Variants in AFF3 observed in about 807,000 individuals in gnomAD.
AFF3 encodes the protein ALF transcription elongation factor 3.
In AFF3, 32 loss-of-function variants were observed where a neutral mutation model predicts 129.7. The observed-to-expected ratio is 0.25, with a 90% CI of 0.19 to 0.33. AFF3 has a LOEUF of 0.33. AFF3 is among the 10% of genes least tolerant of loss of function. The probability of loss-of-function intolerance (pLI) is 1.00; values close to 1 mark genes in which losing one functional copy is unlikely to be tolerated. For missense variants in AFF3, 1,373 were observed against 1,592.0 expected (o/e 0.86, Z 2.34); for synonymous variants, 644 against 635.4 (o/e 1.01, Z -0.20).
At chr2:99,647,841 C>A (rs1033709719) in intron 13 of AFF3, among the ~76,000 whole-genome samples, 12 of 151,988 alleles carry the variant, frequency 7.9e-5, no homozygotes, top group Non-Finnish European at 1.8e-4. Flanking sequence ...AGAGTGGTGA[C>A]AATGAAAACC....
chr2:100,043,689 A>G (rs1398412482), intron 4 of AFF3, among the ~76,000 whole-genome samples: 2 of 152,232 alleles, frequency 1.3e-5, no homozygotes, highest in Non-Finnish European at 2.9e-5. Context: ...TATGACTGCC[A>G]TCTACCAAAC....
At chr2:99,822,464 T>G (rs1295696726) in intron 8 of AFF3, among the ~76,000 whole-genome samples, 1 of 152,162 alleles carries the variant, frequency 6.6e-6, no homozygotes, top group African/African-American at 2.4e-5. Flanking sequence ...GCCACTGCCT[T>G]TTCATTTCAT....
rs1686966615 is a variant in AFF3 at position 100,058,256 on chromosome 2, T to C, written c.53+46146A>G. On this transcript the variant is annotated intron_variant, in intron 4 of 24. Transcript: ENST00000672756. ...GAAGCACTTGCCCAAGGGACATAAC[T>C]AGTAAATGGCAGGTACAGCACTTAC... Among the ~76,000 whole-genome samples, 3 of 152,192 alleles carry C rather than the reference T, an allele frequency of 2.0e-5. No homozygotes were observed. The South Asian group carries it at 6.2e-4, about 32-fold the overall frequency.
At chr2:99,916,721 G>A (rs80002812) in intron 7 of AFF3, among the ~76,000 whole-genome samples, 1,820 of 152,052 alleles carry the variant, frequency 0.012, 42 homozygotes, top group African/African-American at 0.042. Context: ...TCCTGAGAAC[G>A]CATATCATGG....
chr2:100,059,598 T>G (rs1373308161), intron 4 of AFF3, among the ~76,000 whole-genome samples: 3 of 152,168 alleles, frequency 2.0e-5, no homozygotes, highest in African/African-American at 7.2e-5. Flanking sequence ...ACACTTTATA[T>G]AGATGAGGTG....
chr2:100,057,359 G>A (rs2105197775), intron 4 of AFF3, among the ~76,000 whole-genome samples: 2 of 150,802 alleles, frequency 1.3e-5, no homozygotes, highest in East Asian at 3.9e-4. Flanking sequence ...AGCCACACTG[G>A]ATTCATATCC....
At chr2:99,645,074 C>T (rs552773047) in intron 13 of AFF3, among the ~76,000 whole-genome samples, 3 of 152,180 alleles carry the variant, frequency 2.0e-5, no homozygotes, top group African/African-American at 7.2e-5. Context: ...GTGGCTAACA[C>T]CTGTAATCCC....
At chr2:99,810,726 T>A (rs1010888136) in intron 8 of AFF3, among the ~76,000 whole-genome samples, 5 of 152,188 alleles carry the variant, frequency 3.3e-5, no homozygotes, top group Non-Finnish European at 7.3e-5. Flanking sequence ...AGATATATGA[T>A]CTTAGAGTTT....
intron 7 of AFF3, among the ~76,000 whole-genome samples, chr2:99,928,219 T>C (rs1302434701): frequency 6.6e-6 from 1 of 152,238 alleles, no homozygotes; most frequent in African/African-American, 2.4e-5. Flanking sequence ...CTTCAGAGTC[T>C]ACATAGCTAT....
intron 12 of AFF3, among the ~76,000 whole-genome samples, chr2:99,662,778 T>C (rs1031115822): frequency 6.6e-6 from 1 of 152,206 alleles, no homozygotes; most frequent in African/African-American, 2.4e-5. Context: ...CCTGTTTATA[T>C]AATTCTACAC....
At chr2:99,617,837 C>T (rs994112849) in intron 13 of AFF3, among the ~76,000 whole-genome samples, 1 of 152,172 alleles carries the variant, frequency 6.6e-6, no homozygotes. Flanking sequence ...GTTATGTCTA[C>T]AGAAGGCAGA....
intron 4 of AFF3, among the ~76,000 whole-genome samples, chr2:100,030,516 T>G (rs940132153): frequency 1.3e-5 from 2 of 152,194 alleles, no homozygotes. Context: ...CTCCTAGATA[T>G]CTACCCAATT....
chr2:99,836,558 A>G (rs1057479796), intron 8 of AFF3, among the ~76,000 whole-genome samples: 1 of 152,166 alleles, frequency 6.6e-6, no homozygotes, highest in African/African-American at 2.4e-5. Context: ...TTATGAAATA[A>G]TGCTTTCCAG....
At chr2:99,747,145 C>G (rs930807934) in intron 9 of AFF3, among the ~76,000 whole-genome samples, 2 of 151,586 alleles carry the variant, frequency 1.3e-5, no homozygotes, top group Non-Finnish European at 2.9e-5. Context: ...TCTTTTGCCT[C>G]AGCATCCCGA....
chr2:99,859,680 G>T (rs920753038), intron 7 of AFF3, among the ~76,000 whole-genome samples: 10 of 152,102 alleles, frequency 6.6e-5, no homozygotes, highest in African/African-American at 2.2e-4. Context: ...CACATGAAAG[G>T]TCAATTTTTT....
intron 7 of AFF3, among the ~76,000 whole-genome samples, chr2:99,942,983 C>T (rs1243096037): frequency 1.3e-5 from 2 of 152,108 alleles, no homozygotes; most frequent in African/African-American, 2.4e-5. Context: ...TTTCCTTCTG[C>T]GTTAGAGAAA....
chr2:99,921,438 C>T (rs1695850023), intron 7 of AFF3, among the ~76,000 whole-genome samples: 1 of 152,000 alleles, frequency 6.6e-6, no homozygotes. Context: ...TGAAACAGGA[C>T]ATTATGGGGA....
intron 4 of AFF3, among the ~76,000 whole-genome samples, chr2:100,096,532 GTCT>G (rs201691300): frequency 0.025 from 3,763 of 151,800 alleles, 179 homozygotes; most frequent in African/African-American, 0.086. Flanking sequence ...ATTTTGAAAG[GTCT>G]TCTTTTCAAA....
intron 8 of AFF3, among the ~76,000 whole-genome samples, chr2:99,802,563 T>C (rs1286284576): frequency 1.3e-5 from 2 of 152,154 alleles, no homozygotes; most frequent in East Asian, 3.9e-4. Flanking sequence ...CTCAGGAGGC[T>C]GAGGCAAGAG....
Sources: allele counts gnomAD v4.1 joint callset (sites outside exome capture counted in the v4.1 genomes callset), GRCh38; gene constraint gnomAD v4.1.1; transcripts MANE v1.5; gene names NCBI Gene and HGNC (gene_info 2026-07-23, HGNC 2026-07-21).